The following DNAAF11 variants were observed in gnomAD, a reference collection of about 807,000 sequenced individuals.
The protein encoded by DNAAF11 is leucine rich repeat containing 6.
DNAAF11 carries 45 observed loss-of-function variants against 60.8 expected under a neutral mutation model. That is an observed-to-expected ratio of 0.74 (90% CI 0.58 to 0.95). DNAAF11 has a LOEUF of 0.95. Ranked by LOEUF, DNAAF11 falls within the 40% of genes least tolerant of loss-of-function variation. The pLI, the probability that DNAAF11 is intolerant of heterozygous loss-of-function variation, is 0.00. For synonymous variants in DNAAF11, 191 were observed against 183.5 expected (o/e 1.04, Z -0.33); for missense variants, 546 against 546.2 (o/e 1.00, Z 0.00).
chr8:132,657,343 G>C (rs546262170), intron 2 of DNAAF11, among the ~76,000 whole-genome samples: 1 of 152,142 alleles, frequency 6.6e-6, no homozygotes, highest in African/African-American at 2.4e-5. Flanking sequence ...ATGCTTGGAG[G>C]GTTCTTATCT....
chr8:132,583,400 A>G (rs1305502895), intron 11 of DNAAF11, among the ~76,000 whole-genome samples: 5 of 152,198 alleles, frequency 3.3e-5, no homozygotes, highest in African/African-American at 1.2e-4. Context: ...CACACAGAAT[A>G]GCACCTGACA....
the DNAAF11 span, among the ~76,000 whole-genome samples, chr8:132,686,100 T>G: frequency 6.6e-6 from 1 of 152,126 alleles, no homozygotes; most frequent in East Asian, 1.9e-4. Flanking sequence ...AGTGGAGTGA[T>G]GATAGAACGA....
In DNAAF11 at chr8:132,661,756, G is replaced by A. The variant is rs1586728646; in HGVS notation, c.11-129C>T. 7 of 873,198 alleles carry A rather than the reference G, an allele frequency of 8.0e-6. No homozygotes were observed. In the East Asian group the frequency reaches 1.8e-4, roughly 23 times the overall value. The allele number at this position is 873,198 out of a possible 1,614,324, so 54.1% of individuals were successfully genotyped here. A position where few individuals can be genotyped will look rare whatever the true frequency, so the allele number is the denominator to read the frequency against. On this transcript the variant is annotated intron_variant, in intron 1 of 11. Coordinates refer to ENST00000620350, the MANE Select transcript of DNAAF11 (RefSeq NM_012472.6). ...GAATGTCAATTTTCCAGGCCCAAGC[G>A]ATTTTCAAAGTGAGAGAGAAAATGG...
At chr8:132,648,718 A>G (rs1358959022) in intron 3 of DNAAF11, among the ~76,000 whole-genome samples, 1 of 152,226 alleles carries the variant, frequency 6.6e-6, no homozygotes, top group Non-Finnish European at 1.5e-5. Flanking sequence ...CACCAATAAC[A>G]GACAAACAGA....
chr8:132,622,577 T>C (rs1819865398), intron 7 of DNAAF11, 34 bp downstream of exon 7: 1 of 1,514,572 alleles, frequency 6.6e-7, no homozygotes, highest in South Asian at 1.2e-5. Context: ...ACTGACACTT[T>C]TGGGTCTTTA....
At chr8:132,679,464 C>A (rs1005199965), upstream of DNAAF11, among the ~76,000 whole-genome samples, 1 of 152,148 alleles carries the variant, frequency 6.6e-6, no homozygotes, top group South Asian at 2.1e-4. Flanking sequence ...GGAAGTGTAC[C>A]TCATTCTCTG....
rs574828453 is a variant in DNAAF11 at position 132,649,666 on chromosome 8, C to T, written c.256+7164G>A. Among the ~76,000 whole-genome samples, 554 of 152,018 alleles carry T rather than the reference C, an allele frequency of 3.6e-3. 3 individuals carry two copies. The highest frequency in any genetic ancestry group is 0.013 in the African/African-American group (521 of 41,486). On this transcript the variant is annotated intron_variant, in intron 3 of 11. Coordinates refer to ENST00000620350, the MANE Select transcript of DNAAF11 (RefSeq NM_012472.6). ...AATCTACAAAGAATTTAAAGAAATT[C>T]ACAAGAAAAAATCAAATAACCCCAT...
intron 5 of DNAAF11, among the ~76,000 whole-genome samples, chr8:132,626,803 T>A (rs1296307372): frequency 6.6e-6 from 1 of 152,196 alleles, no homozygotes; most frequent in Non-Finnish European, 1.5e-5. Context: ...ACTCAATACA[T>A]GTTGGGTTTT....
At chr8:132,700,424 A>G in the DNAAF11 span, among the ~76,000 whole-genome samples, 4 of 151,882 alleles carry the variant, frequency 2.6e-5, no homozygotes, top group East Asian at 1.9e-4. Context: ...AATGAATAAC[A>G]TGTGTAATCC....
chr8:132,598,973 A>G (rs1241513030), intron 10 of DNAAF11, among the ~76,000 whole-genome samples: 2 of 152,306 alleles, frequency 1.3e-5, no homozygotes, highest in Middle Eastern at 3.4e-3. Flanking sequence ...CAAAAAATCA[A>G]TGAATCCAGG....
intron 5 of DNAAF11, among the ~76,000 whole-genome samples, chr8:132,626,641 T>C (rs1274808951): frequency 1.3e-5 from 2 of 152,242 alleles, no homozygotes; most frequent in Non-Finnish European, 2.9e-5. Context: ...GGAGATTCTA[T>C]TCTTGTGGCA....
chr8:132,578,626 C>A, intron 11 of DNAAF11: 1 of 648,024 alleles, frequency 1.5e-6, no homozygotes, highest in Non-Finnish European at 2.5e-6. Context: ...TTCCTTTTAT[C>A]AAAAAACATA....
chr8:132,629,157 A>T (rs1820558171), intron 5 of DNAAF11, among the ~76,000 whole-genome samples: 1 of 152,188 alleles, frequency 6.6e-6, no homozygotes. Context: ...AGATTAAAGG[A>T]AAGCATTTAA....
chr8:132,592,348 A>G (rs531640677), intron 10 of DNAAF11, among the ~76,000 whole-genome samples: 1 of 152,324 alleles, frequency 6.6e-6, no homozygotes, highest in South Asian at 2.1e-4. Flanking sequence ...TCTGAGCTAG[A>G]AAAGGAATAT....
intron 3 of DNAAF11, among the ~76,000 whole-genome samples, chr8:132,643,212 C>T (rs1378047719): frequency 6.6e-6 from 1 of 152,214 alleles, no homozygotes; most frequent in African/African-American, 2.4e-5. Flanking sequence ...TTGGGGACCC[C>T]TGTGCTAGAG....
At chr8:132,604,762 C>G (rs1381804712) in intron 10 of DNAAF11, among the ~76,000 whole-genome samples, 3 of 151,876 alleles carry the variant, frequency 2.0e-5, no homozygotes, top group Non-Finnish European at 4.4e-5. Flanking sequence ...AGGAATAACC[C>G]CAACCAAAAT....
At chr8:132,578,925 C>CG (rs1248797187) in intron 11 of DNAAF11, among the ~76,000 whole-genome samples, 4 of 152,162 alleles carry the variant, frequency 2.6e-5, no homozygotes, top group Non-Finnish European at 5.9e-5. Flanking sequence ...GGCAGTCTAA[C>CG]GGGACACCCT....
intron 10 of DNAAF11, among the ~76,000 whole-genome samples, chr8:132,595,587 A>C (rs866728026): frequency 1.3e-5 from 2 of 152,290 alleles, no homozygotes; most frequent in South Asian, 4.1e-4. Flanking sequence ...TCTTTAAAAA[A>C]AATAAATAAC....
chr8:132,591,903 A>G (rs1816506108), intron 10 of DNAAF11, among the ~76,000 whole-genome samples: 1 of 152,168 alleles, frequency 6.6e-6, no homozygotes, highest in African/African-American at 2.4e-5. Context: ...GGTAATTTTT[A>G]AAATTATTTT....
Sources: allele counts gnomAD v4.1 joint callset (sites outside exome capture counted in the v4.1 genomes callset), GRCh38; gene constraint gnomAD v4.1.1; transcripts MANE v1.5; gene names NCBI Gene and HGNC (gene_info 2026-07-23, HGNC 2026-07-21).